UPRT: variants seen among roughly 807,000 people sequenced by gnomAD.
UPRT encodes RP11-311P8.3.
In UPRT, 5 loss-of-function variants were observed where a neutral mutation model predicts 22.6. The observed-to-expected ratio is 0.22, with a 90% CI of 0.12 to 0.47. The LOEUF (loss-of-function observed/expected upper bound fraction) is 0.47. Among genes scored for constraint, UPRT ranks in the 20% least tolerant of loss-of-function variants. UPRT has a pLI of 0.99. For missense variants in UPRT, 181 were observed against 239.9 expected (o/e 0.75, Z 1.62); for synonymous variants, 77 against 87.7 (o/e 0.88, Z 0.68).
At chrX:75,267,244 C>T (rs1267842761) in intron 4 of UPRT, among the ~76,000 whole-genome samples, 14 of 111,365 alleles carry the variant, frequency 1.3e-4, no homozygotes, top group African/African-American at 4.6e-4. Flanking sequence ...TTCTATGCAG[C>T]CATAAAAAAG....
At chrX:75,225,550 T>G (rs975503024) in intron 4 of UPRT, among the ~76,000 whole-genome samples, 1 of 111,531 alleles carries the variant, frequency 9.0e-6, no homozygotes, top group Non-Finnish European at 1.9e-5. Flanking sequence ...TGGAGTGAAG[T>G]TTCTACCTTG....
At chrX:75,192,435 C>T (rs5981798) in intron 4 of UPRT, among the ~76,000 whole-genome samples, 1,261 of 110,482 alleles carry the variant, frequency 0.011, 15 homozygotes, top group African/African-American at 0.04. Context: ...ATGTATATTC[C>T]GTTGTTTTTG....
intron 4 of UPRT, among the ~76,000 whole-genome samples, chrX:75,219,914 A>G (rs748693272): frequency 1.8e-5 from 2 of 111,625 alleles, no homozygotes; most frequent in African/African-American, 3.2e-5. Context: ...TTCTGTAAAT[A>G]TTGATTAGAT....
intron 1 of UPRT, among the ~76,000 whole-genome samples, chrX:75,282,138 T>C (rs1249986405): frequency 9.0e-6 from 1 of 111,542 alleles, no homozygotes; most frequent in African/African-American, 3.3e-5. Context: ...CTTAGTGAGG[T>C]CATTTGGATT....
At chrX:75,251,518 C>G (rs1396909242) in intron 4 of UPRT, among the ~76,000 whole-genome samples, 1 of 111,036 alleles carries the variant, frequency 9.0e-6, no homozygotes, top group Non-Finnish European at 1.9e-5. Flanking sequence ...ACGTGAAGGA[C>G]CTCTTCAAGG....
chrX:75,265,334 G>T (rs1016160251), intron 4 of UPRT, among the ~76,000 whole-genome samples: 3 of 111,655 alleles, frequency 2.7e-5, no homozygotes, highest in Non-Finnish European at 5.7e-5. Context: ...ACATATATTT[G>T]TTCTTTTCAC....
chrX:75,188,703 A>G (rs1455209954), intron 4 of UPRT, among the ~76,000 whole-genome samples: 1 of 112,590 alleles, frequency 8.9e-6, no homozygotes, highest in African/African-American at 3.2e-5. Flanking sequence ...CCTCCGAACC[A>G]TGTGTGGGAC....
At chrX:75,209,743 A>G (rs1326969436) in intron 4 of UPRT, among the ~76,000 whole-genome samples, 2 of 112,352 alleles carry the variant, frequency 1.8e-5, no homozygotes, top group Non-Finnish European at 3.8e-5. Context: ...GCTTTTGCCC[A>G]GTGATCCTGT....
intron 4 of UPRT, among the ~76,000 whole-genome samples, chrX:75,215,647 C>T (rs1374330909): frequency 9.0e-6 from 1 of 111,301 alleles, no homozygotes; most frequent in Non-Finnish European, 1.9e-5. Flanking sequence ...CACAATCTAA[C>T]AAAACTCATC....
chrX:75,169,553 C>T (rs2082221334), intron 4 of UPRT, among the ~76,000 whole-genome samples: 1 of 111,876 alleles, frequency 8.9e-6, no homozygotes, highest in Non-Finnish European at 1.9e-5. Flanking sequence ...TAGGAGCAGG[C>T]TATTTAATTT....
upstream of UPRT, among the ~76,000 whole-genome samples, chrX:75,272,358 G>GTATATATATA (rs1569279568): frequency 3.5e-5 from 3 of 85,612 alleles, no homozygotes; most frequent in Admixed American, 1.3e-4. Flanking sequence ...ATATATATAT[G>GTATATATATA]TGTATATATA....
chrX:75,251,943 C>G (rs745778300), intron 4 of UPRT, among the ~76,000 whole-genome samples: 252 of 111,266 alleles, frequency 2.3e-3, no homozygotes, highest in African/African-American at 7.3e-3. Flanking sequence ...ACAAACCTGA[C>G]AAAAACAAGC....
chrX:75,212,246 G>A (rs1380952969), intron 4 of UPRT, among the ~76,000 whole-genome samples: 1 of 112,026 alleles, frequency 8.9e-6, no homozygotes, highest in Non-Finnish European at 1.9e-5. Context: ...TATCAGTGCC[G>A]CATGGCACTT....
chrX:75,269,209 G>T (rs903564168), upstream of UPRT, among the ~76,000 whole-genome samples: 8 of 111,612 alleles, frequency 7.2e-5, no homozygotes, highest in African/African-American at 2.3e-4. Flanking sequence ...GGGTGTGAAG[G>T]ACCTCTTCAA....
chrX:75,286,306 T>TTG (rs1462992958), intron 1 of UPRT, among the ~76,000 whole-genome samples: 1 of 38,878 alleles, frequency 2.6e-5, no homozygotes, highest in East Asian at 7.1e-4. Context: ...CAAATTTACT[T>TTG]GGGGGGGGGG....
At chrX:75,290,841 G>A (rs1221169592) in intron 1 of UPRT, among the ~76,000 whole-genome samples, 1 of 110,839 alleles carries the variant, frequency 9.0e-6, no homozygotes, top group Non-Finnish European at 1.9e-5. Flanking sequence ...ACTAACTGTT[G>A]TGTACTATAC....
chrX:75,184,428 C>T (rs1223990230), intron 4 of UPRT, among the ~76,000 whole-genome samples: 1 of 104,759 alleles, frequency 9.5e-6, no homozygotes, highest in Non-Finnish European at 2.0e-5. Context: ...TTACTGTAGC[C>T]TTGTAGTATA....
At chrX:75,237,498 T>G (rs1488032902) in intron 4 of UPRT, among the ~76,000 whole-genome samples, 1 of 110,448 alleles carries the variant, frequency 9.1e-6, no homozygotes, top group Non-Finnish European at 1.9e-5. Flanking sequence ...CACATGCACA[T>G]GTATGTTTAT....
chrX:75,239,726 C>T (rs181291940), intron 4 of UPRT, among the ~76,000 whole-genome samples: 41 of 111,287 alleles, frequency 3.7e-4, no homozygotes, highest in African/African-American at 1.2e-3. Flanking sequence ...ATGAATTCAA[C>T]ACGATACCAC....
Sources: gnomAD v4.1 joint callset for allele counts (sites outside exome capture counted in the v4.1 genomes callset) on GRCh38, gnomAD v4.1.1 for gene constraint, MANE v1.5 for transcripts, NCBI Gene and HGNC (gene_info 2026-07-23, HGNC 2026-07-21) for gene names.